The following MKX variants were observed in gnomAD, a reference collection of about 807,000 sequenced individuals.
MKX encodes the protein mohawk homeobox, also known as homeobox protein Mohawk.
MKX carries 13 observed loss-of-function variants against 36.0 expected under a neutral mutation model. That is an observed-to-expected ratio of 0.36 (90% CI 0.24 to 0.57). MKX has a LOEUF of 0.57. Ranked by LOEUF, MKX falls within the 20% of genes least tolerant of loss-of-function variation. MKX has a pLI of 0.79. For synonymous variants in MKX, 176 were observed against 178.3 expected (o/e 0.99, Z 0.10); for missense variants, 458 against 456.4 (o/e 1.00, Z -0.03).
Position 27,743,217 on chromosome 10 carries a change from A to T in MKX, c.188+11T>A. On this transcript the variant is annotated intron_variant, in intron 2 of 6. Transcript: ENST00000419761. ...CGCAGGCGGGCAGGGCCCCCAGGGGAGTGCGCATACCCGGTCCTCCGGTGT... is the reference window on the plus strand; with the variant it reads ...CGCAGGCGGGCAGGGCCCCCAGGGGTGTGCGCATACCCGGTCCTCCGGTGT... The T allele has an allele frequency of 6.8e-7, 1 of 1,473,456 alleles. No homozygotes were observed. The highest frequency in any genetic ancestry group is 9.0e-7 in the Non-Finnish European group (1 of 1,116,912). 91.3% of individuals were successfully genotyped at this position (1,473,456 alleles called of 1,614,324 possible). A position where few individuals can be genotyped will look rare whatever the true frequency, so the allele number is the denominator to read the frequency against.
chr10:27,713,149 C>A (rs569761153), intron 5 of MKX, among the ~76,000 whole-genome samples: 1 of 152,144 alleles, frequency 6.6e-6, no homozygotes, highest in Non-Finnish European at 1.5e-5. Flanking sequence ...GACCCAAGCA[C>A]CAAATATACC....
At chr10:27,705,865 G>A (rs1836739026) in intron 5 of MKX, among the ~76,000 whole-genome samples, 1 of 152,092 alleles carries the variant, frequency 6.6e-6, no homozygotes, top group Non-Finnish European at 1.5e-5. Context: ...TTAAAAAATG[G>A]TGGCAAAATA....
chr10:27,733,263 G>A (rs1335462439), intron 5 of MKX, among the ~76,000 whole-genome samples: 1 of 152,064 alleles, frequency 6.6e-6, no homozygotes, highest in African/African-American at 2.4e-5. Flanking sequence ...ATATATATTT[G>A]TAAACGTTTG....
chr10:27,675,880 C>T (rs1836137832), intron 5 of MKX, among the ~76,000 whole-genome samples: 1 of 152,180 alleles, frequency 6.6e-6, no homozygotes, highest in African/African-American at 2.4e-5. Flanking sequence ...TACCTGGGGC[C>T]AGGTTCTGGC....
chr10:27,700,272 G>A (rs1267403784), intron 5 of MKX, among the ~76,000 whole-genome samples: 3 of 152,182 alleles, frequency 2.0e-5, no homozygotes, highest in South Asian at 2.1e-4. Context: ...ATTTATTTCA[G>A]TCTTTTCAAT....
intron 5 of MKX, among the ~76,000 whole-genome samples, chr10:27,706,775 T>C (rs1187237667): frequency 1.3e-5 from 2 of 152,210 alleles, no homozygotes; most frequent in Admixed American, 1.3e-4. Context: ...TTGAGTTGAA[T>C]GGCCTACCTT....
chr10:27,711,724 C>A (rs1589676640), intron 5 of MKX, among the ~76,000 whole-genome samples: 2 of 151,044 alleles, frequency 1.3e-5, no homozygotes, highest in Non-Finnish European at 1.5e-5. Context: ...CAGGCGCCCA[C>A]CGCCGTGCTC....
At chr10:27,680,173 T>C (rs1286505927) in intron 5 of MKX, among the ~76,000 whole-genome samples, 2 of 152,120 alleles carry the variant, frequency 1.3e-5, no homozygotes, top group Admixed American at 1.3e-4. Flanking sequence ...TGCCCCACAT[T>C]TGGCTCGGCT....
intron 4 of MKX, among the ~76,000 whole-genome samples, 184 bp from the exon 5 acceptor site, chr10:27,734,975 G>A (rs889611951): frequency 1.3e-5 from 2 of 151,982 alleles, no homozygotes; most frequent in Non-Finnish European, 2.9e-5. Flanking sequence ...CTCGCTTATG[G>A]TATTTTAATT....
At chr10:27,717,839 G>A (rs1836992791) in intron 5 of MKX, among the ~76,000 whole-genome samples, 1 of 152,184 alleles carries the variant, frequency 6.6e-6, no homozygotes, top group East Asian at 1.9e-4. Context: ...TATAATTCAG[G>A]GAAAGACCCA....
In MKX at chr10:27,675,533, T is replaced by A; in HGVS notation, c.860A>T (p.Asn287Ile). The change falls in exon 6 of 7, where the codon AAT (asparagine) becomes ATT (isoleucine). Residue 287 changes from asparagine to isoleucine, a missense_variant. Transcript: ENST00000419761. The stretch of plus-strand genomic sequence containing the variant: ...ACATTTTGCTCACCTTTCACCCTTA[T>A]TGGATCCGTTTTCCAGAGTGTCTGT... ...YRTDTLENGS[N>I]KGESAANRKG... The A allele has an allele frequency of 6.2e-7, 1 of 1,614,030 alleles. No individual in the cohort carries two copies. The highest frequency in any genetic ancestry group is 8.5e-7 in the Non-Finnish European group (1 of 1,179,978).
intron 5 of MKX, among the ~76,000 whole-genome samples, chr10:27,716,405 A>G (rs1836964274): frequency 7.0e-6 from 1 of 143,874 alleles, no homozygotes; most frequent in Non-Finnish European, 1.5e-5. Flanking sequence ...CCTGGGTGAC[A>G]GAGTCAGACT....
chr10:27,735,189 A>G, intron 4 of MKX, 32 bp downstream of exon 4: 2 of 1,518,400 alleles, frequency 1.3e-6, no homozygotes, highest in Non-Finnish European at 1.8e-6. Context: ...TAGAGGCAAA[A>G]CAAAGAAAGC....
Position 27,743,367 on chromosome 10 carries a change from C to T in MKX, c.49G>A (p.Asp17Asn), listed in dbSNP as rs1163135963. 22 of 1,577,330 alleles carry T rather than the reference C, an allele frequency of 1.4e-5. No homozygotes were observed. Among genetic ancestry groups the T allele is most frequent in the Middle Eastern group, 1.7e-4 (1 of 5,976 alleles). The change falls in exon 2 of 7, where the codon GAC becomes AAC. Residue 17 changes from aspartate (D) to asparagine (N), a missense_variant. Asp to Asn is a conservative substitution (Grantham distance 23). This residue lies in a region of MKX where 149 missense variants were observed against 114.3 expected (regional missense o/e 1.30). Transcript: ENST00000419761. Reference protein sequence around the residue: ...NKLSGAVLFEDGGASERERGG... With the variant: ...NKLSGAVLFENGGASERERGG... ...CGCTCCCGCTCCGAGGCGCCTCCGT[C>T]CTCAAACAGCACCGCACCGCTGAGC...
intron 5 of MKX, among the ~76,000 whole-genome samples, chr10:27,728,250 A>G (rs1834537320): frequency 6.6e-6 from 1 of 152,252 alleles, no homozygotes; most frequent in South Asian, 2.1e-4. Flanking sequence ...TGGTCAACAA[A>G]AGCCCAAAAG....
At chr10:27,731,150 A>G (rs1163394963) in intron 5 of MKX, among the ~76,000 whole-genome samples, 2 of 150,716 alleles carry the variant, frequency 1.3e-5, no homozygotes, top group East Asian at 3.9e-4. Flanking sequence ...AAAAAAAAAA[A>G]GGAAAAAAGA....
intron 5 of MKX, chr10:27,718,577 CA>C (rs752807763): frequency 7.0e-5 from 31 of 445,820 alleles, no homozygotes; most frequent in Non-Finnish European, 1.3e-4. Flanking sequence ...AGTCCTCACT[CA>C]AAGAACCTAA....
intron 5 of MKX, among the ~76,000 whole-genome samples, chr10:27,691,802 G>A (rs1482935470): frequency 1.3e-5 from 2 of 152,146 alleles, no homozygotes; most frequent in African/African-American, 4.8e-5. Flanking sequence ...AGAACATGTG[G>A]TATTTGATTT....
chr10:27,723,113 C>G (rs759671122), intron 5 of MKX, among the ~76,000 whole-genome samples: 4 of 151,910 alleles, frequency 2.6e-5, no homozygotes, highest in Non-Finnish European at 4.4e-5. Context: ...ATTACTATTC[C>G]AGATGATTTA....
Sources: allele counts gnomAD v4.1 joint callset (sites outside exome capture counted in the v4.1 genomes callset), GRCh38; gene constraint gnomAD v4.1.1; regional missense constraint gnomAD v4.1.1; transcripts MANE v1.5; gene names NCBI Gene and HGNC (gene_info 2026-07-23, HGNC 2026-07-21).